AKAP19: variants seen among roughly 807,000 people sequenced by gnomAD.
AKAP19 encodes small A-kinase anchoring protein.
At chr2:189,908,588 G>A in the AKAP19 span, among the ~76,000 whole-genome samples, 1 of 152,054 alleles carries the variant, frequency 6.6e-6, no homozygotes, top group Non-Finnish European at 1.5e-5. Flanking sequence ...GATACTTTCT[G>A]ATTTCCTTTT....
the AKAP19 span, among the ~76,000 whole-genome samples, chr2:189,959,451 T>A: frequency 2.0e-4 from 30 of 152,014 alleles, no homozygotes; most frequent in African/African-American, 5.6e-4. Flanking sequence ...TACACTGATT[T>A]TTTTTCAGAA....
chr2:189,999,279 G>A, the AKAP19 span, among the ~76,000 whole-genome samples: 7 of 151,692 alleles, frequency 4.6e-5, no homozygotes, highest in African/African-American at 1.5e-4. Flanking sequence ...GGTGTGTTTC[G>A]TTTTCATTTA....
At chr2:190,107,857 CATT>C in the AKAP19 span, among the ~76,000 whole-genome samples, 1 of 152,194 alleles carries the variant, frequency 6.6e-6, no homozygotes, top group Non-Finnish European at 1.5e-5. Context: ...AGATTTTAAA[CATT>C]ATGAAAGATC....
At chr2:190,107,752 A>C in the AKAP19 span, among the ~76,000 whole-genome samples, 1 of 152,260 alleles carries the variant, frequency 6.6e-6, no homozygotes, top group Non-Finnish European at 1.5e-5. Flanking sequence ...CTGTGCAAAG[A>C]AACGTAACTA....
chr2:189,959,498 T>TA, the AKAP19 span, among the ~76,000 whole-genome samples: 1 of 152,198 alleles, frequency 6.6e-6, no homozygotes. Flanking sequence ...TTAGCAGTCC[T>TA]AAGCATGCTT....
chr2:189,912,537 G>A, the AKAP19 span, among the ~76,000 whole-genome samples: 7 of 152,138 alleles, frequency 4.6e-5, no homozygotes, highest in South Asian at 2.1e-4. Context: ...CGAAACTCTT[G>A]TCTCAACAAC....
At chr2:190,180,660 G>C in the AKAP19 span, 1 of 985,256 alleles carries the variant, frequency 1.0e-6, no homozygotes, top group African/African-American at 1.8e-5. This position sits in a 1 kb window ranked among gnomAD's most constrained non-coding sequence, Gnocchi z 6.8. Flanking sequence ...CCCTGCGCCT[G>C]AGGAAGTATC....
the AKAP19 span, among the ~76,000 whole-genome samples, chr2:190,144,019 G>T: frequency 2.8e-5 from 3 of 105,474 alleles, no homozygotes; most frequent in African/African-American, 6.6e-5. Flanking sequence ...TGGGGACTGT[G>T]GTGGGGTGGG....
chr2:190,137,594 C>T, the AKAP19 span, among the ~76,000 whole-genome samples: 58 of 152,280 alleles, frequency 3.8e-4, no homozygotes, highest in African/African-American at 1.1e-3. Flanking sequence ...TGAGACTATT[C>T]GCCATCATAA....
chr2:190,028,913 T>G, the AKAP19 span, among the ~76,000 whole-genome samples: 1 of 152,182 alleles, frequency 6.6e-6, no homozygotes, highest in African/African-American at 2.4e-5. Flanking sequence ...GAAAATTACT[T>G]CAGTTCATTC....
chr2:189,909,395 T>C, the AKAP19 span, among the ~76,000 whole-genome samples: 1 of 152,042 alleles, frequency 6.6e-6, no homozygotes, highest in Non-Finnish European at 1.5e-5. Context: ...ATCATGTTAA[T>C]TGTTTTCTGG....
At chr2:190,142,299 T>C in the AKAP19 span, among the ~76,000 whole-genome samples, 2 of 152,222 alleles carry the variant, frequency 1.3e-5, no homozygotes, top group Non-Finnish European at 2.9e-5. Context: ...TTAGACACAA[T>C]GATTTTAAGT....
At chr2:189,945,314 A>C in the AKAP19 span, among the ~76,000 whole-genome samples, 1 of 152,210 alleles carries the variant, frequency 6.6e-6, no homozygotes, top group South Asian at 2.1e-4. Flanking sequence ...GGAGAGGTCT[A>C]TGTGGCTAGA....
chr2:190,181,702 T>C, the AKAP19 span, among the ~76,000 whole-genome samples: 1 of 152,218 alleles, frequency 6.6e-6, no homozygotes, highest in Non-Finnish European at 1.5e-5. Context: ...AACATAAAAT[T>C]GTAAACTAGT....
At chr2:189,917,246 C>G in the AKAP19 span, 1 of 1,230,472 alleles carries the variant, frequency 8.1e-7, no homozygotes, top group Non-Finnish European at 1.1e-6. Context: ...CAAGCTTTTA[C>G]AAACACTGTC....
chr2:190,200,402 G>T, the AKAP19 span: 1 of 397,456 alleles, frequency 2.5e-6, no homozygotes, highest in African/African-American at 2.0e-5. Context: ...ATAATCAGCT[G>T]AATGTCACAG....
the AKAP19 span, among the ~76,000 whole-genome samples, chr2:189,993,525 T>C: frequency 6.6e-6 from 1 of 152,212 alleles, no homozygotes; most frequent in Non-Finnish European, 1.5e-5. Context: ...TAGAATGTTT[T>C]AGGGAGGATT....
At chr2:190,075,420 CCTTT>C in the AKAP19 span, among the ~76,000 whole-genome samples, 1 of 152,090 alleles carries the variant, frequency 6.6e-6, no homozygotes, top group African/African-American at 2.4e-5. Flanking sequence ...TTCTATATAG[CCTTT>C]CTTATTTTCT....
the AKAP19 span, among the ~76,000 whole-genome samples, chr2:190,065,264 G>C: frequency 2.0e-5 from 3 of 152,104 alleles, no homozygotes; most frequent in Admixed American, 6.6e-5. Flanking sequence ...GCAATGGAAA[G>C]TAGCATGGTG....
Sources: gnomAD v4.1 joint callset for allele counts (sites outside exome capture counted in the v4.1 genomes callset) on GRCh38, gnomAD v4.1.1 for gene constraint, Gnocchi (gnomAD v3.1) non-coding constraint, MANE v1.5 for transcripts, NCBI Gene and HGNC (gene_info 2026-07-23, HGNC 2026-07-21) for gene names.